The following TAFA2 variants were observed in gnomAD, a reference collection of about 807,000 sequenced individuals.
TAFA2 encodes the protein chemokine-like protein TAFA-2.
In TAFA2, 7 loss-of-function variants were observed where a neutral mutation model predicts 18.8. The ratio of observed to expected loss-of-function variants is 0.37; its 90% CI spans 0.21 to 0.70. The LOEUF is 0.70. TAFA2 is among the 30% of genes least tolerant of loss of function. The pLI is 0.53. For synonymous variants in TAFA2, 60 were observed against 54.2 expected, an observed-to-expected ratio of 1.11 and a Z score of -0.47; for missense variants, 122 against 158.1, an observed-to-expected ratio of 0.77 and a Z score of 1.23.
intron 1 of TAFA2, among the ~76,000 whole-genome samples, chr12:62,017,259 C>T (rs900838381): frequency 5.3e-5 from 8 of 152,002 alleles, no homozygotes; most frequent in Non-Finnish European, 7.4e-5. Context: ...ATACTGTAGA[C>T]TCTCAGTGAA....
chr12:61,928,292 A>C (rs1313470183), intron 1 of TAFA2, among the ~76,000 whole-genome samples: 2 of 152,244 alleles, frequency 1.3e-5, no homozygotes, highest in Non-Finnish European at 1.5e-5. Flanking sequence ...AGAATGTACA[A>C]GGAACTTAAA....
intron 1 of TAFA2, among the ~76,000 whole-genome samples, chr12:62,059,840 A>G (rs1882297853): frequency 6.6e-6 from 1 of 151,952 alleles, no homozygotes; most frequent in African/African-American, 2.4e-5. Context: ...AATTCTGTAT[A>G]CTCAGTTTCA....
chr12:62,017,118 T>C (rs1880964600), intron 1 of TAFA2, among the ~76,000 whole-genome samples: 1 of 152,172 alleles, frequency 6.6e-6, no homozygotes, highest in South Asian at 2.1e-4. Flanking sequence ...TATTAATGTT[T>C]CATACATAAA....
intron 1 of TAFA2, chr12:62,207,229 A>G (rs766926561): frequency 6.6e-6 from 1 of 152,226 alleles, no homozygotes; most frequent in Non-Finnish European, 1.5e-5. Flanking sequence ...AGTGATGTAC[A>G]TCTTTGTTTC....
intron 1 of TAFA2, among the ~76,000 whole-genome samples, chr12:62,011,781 G>A (rs914189788): frequency 1.3e-5 from 2 of 150,228 alleles, no homozygotes; most frequent in African/African-American, 4.9e-5. Context: ...AAAAGAAACT[G>A]TAGTATAAGG....
chr12:61,806,004 C>A (rs956269840), intron 2 of TAFA2, among the ~76,000 whole-genome samples: 5 of 152,150 alleles, frequency 3.3e-5, no homozygotes, highest in African/African-American at 1.2e-4. Flanking sequence ...AAGGTAACAA[C>A]AAACTATTAA....
At chr12:61,835,850 C>G (rs1872897491) in intron 2 of TAFA2, among the ~76,000 whole-genome samples, 1 of 151,856 alleles carries the variant, frequency 6.6e-6, no homozygotes, top group Non-Finnish European at 1.5e-5. Flanking sequence ...GTGTTAGACT[C>G]TATTTTAAAC....
intron 1 of TAFA2, among the ~76,000 whole-genome samples, chr12:61,997,715 T>C (rs79977768): frequency 0.016 from 2,368 of 151,484 alleles, 63 homozygotes; most frequent in African/African-American, 0.054. Flanking sequence ...CAGAGAAAGA[T>C]GAAGGGAAGA....
chr12:62,256,936 T>C (rs920238738), intron 1 of TAFA2, among the ~76,000 whole-genome samples: 10 of 151,870 alleles, frequency 6.6e-5, no homozygotes, highest in African/African-American at 2.2e-4. Context: ...GATAAAAGAA[T>C]GAAAGGTTTA....
intron 1 of TAFA2, among the ~76,000 whole-genome samples, chr12:61,965,491 C>A (rs933135648): frequency 2.6e-5 from 4 of 151,832 alleles, no homozygotes; most frequent in Non-Finnish European, 5.9e-5. Context: ...AGAATCTGTG[C>A]GAGTATGCAG....
At chr12:61,962,557 CAT>C (rs1285883614) in intron 1 of TAFA2, among the ~76,000 whole-genome samples, 2 of 151,776 alleles carry the variant, frequency 1.3e-5, no homozygotes, top group Non-Finnish European at 2.9e-5. Context: ...TTTTTTAAAA[CAT>C]ATACACATTT....
At chr12:62,147,318 G>GTGTATATATATATATATA (rs1474954167) in intron 1 of TAFA2, among the ~76,000 whole-genome samples, 2 of 87,628 alleles carry the variant, frequency 2.3e-5, no homozygotes, top group Admixed American at 1.1e-4. Flanking sequence ...GTGTGTGTGT[G>GTGTATATATATATATATA]TATGTATGTA....
At chr12:61,958,880 T>C (rs888562438) in intron 1 of TAFA2, among the ~76,000 whole-genome samples, 3 of 152,020 alleles carry the variant, frequency 2.0e-5, no homozygotes, top group African/African-American at 7.2e-5. Flanking sequence ...TTTGAGACAT[T>C]TACAGATTTT....
At chr12:62,169,665 T>A (rs1416491050) in intron 1 of TAFA2, among the ~76,000 whole-genome samples, 1 of 151,738 alleles carries the variant, frequency 6.6e-6, no homozygotes, top group Non-Finnish European at 1.5e-5. Context: ...TCCTGGCTAA[T>A]GCAGTGAAAC....
intron 1 of TAFA2, among the ~76,000 whole-genome samples, chr12:62,219,504 C>T (rs944760797): frequency 7.2e-5 from 11 of 152,104 alleles, no homozygotes; most frequent in Middle Eastern, 6.8e-3. Context: ...TGAAGTTATT[C>T]GATAATAATC....
intron 1 of TAFA2, among the ~76,000 whole-genome samples, chr12:62,156,224 G>A (rs1030563391): frequency 6.6e-6 from 1 of 152,142 alleles, no homozygotes; most frequent in Admixed American, 6.5e-5. Flanking sequence ...TTAGGGAAAT[G>A]CAAATCAAAA....
chr12:61,952,339 T>G (rs866042908), intron 1 of TAFA2, among the ~76,000 whole-genome samples: 3 of 152,160 alleles, frequency 2.0e-5, no homozygotes, highest in Non-Finnish European at 4.4e-5. Context: ...ACAAAAGGAT[T>G]AATAAAATGT....
In TAFA2 at chr12:62,021,623, G is replaced by A. The variant is rs181856424; in HGVS notation, c.-1-154197C>T. ...GGCGGTTCTGGCTTCCCACCCTTCT[G>A]TTCTGAGATGGGGTGGTGTGCAGTA... On this transcript the variant is annotated intron_variant, in intron 1 of 4. Transcript: ENST00000416284. The A allele has an allele frequency of 5.5e-4, 616 of 1,123,580 alleles. 6 individuals carry two copies. In the East Asian group the frequency reaches 0.014, roughly 25 times the overall value. 69.6% of individuals were successfully genotyped at this position (1,123,580 alleles called of 1,614,324 possible).
chr12:61,868,828 A>C (rs557027563), intron 1 of TAFA2, among the ~76,000 whole-genome samples: 4 of 152,308 alleles, frequency 2.6e-5, no homozygotes, highest in African/African-American at 9.6e-5. Flanking sequence ...CTAAGTCAGA[A>C]TGCCGGGGTT....
Sources: allele counts gnomAD v4.1 joint callset (sites outside exome capture counted in the v4.1 genomes callset), GRCh38; gene constraint gnomAD v4.1.1; transcripts MANE v1.5; gene names NCBI Gene and HGNC (gene_info 2026-07-23, HGNC 2026-07-21).